Variants in HEXA observed in about 807,000 individuals in gnomAD.
The protein encoded by HEXA is beta-hexosaminidase subunit alpha.
A neutral mutation model predicts 73.3 loss-of-function variants in HEXA; 54 were observed. The observed-to-expected ratio is 0.74, with a 90% confidence interval of 0.59 to 0.92. HEXA has a LOEUF of 0.92. Among genes scored for constraint, HEXA ranks in the 40% least tolerant of loss-of-function variants. The probability of loss-of-function intolerance (pLI) is 0.00; values close to 1 mark genes in which losing one functional copy is unlikely to be tolerated. For synonymous variants in HEXA, 230 were observed against 246.9 expected, an observed-to-expected ratio of 0.93 and a Z score of 0.64; for missense variants, 649 against 653.0, an observed-to-expected ratio of 0.99 and a Z score of 0.07.
At chr15:72,358,671 G>A (rs190358940) in intron 1 of HEXA, 1 of 152,226 alleles carries the variant, frequency 6.6e-6, no homozygotes, top group East Asian at 1.9e-4. Context: ...AAGAATCCCT[G>A]TCCGAAGTTC....
chr15:72,375,005 G>A (rs977627218), intron 1 of HEXA, among the ~76,000 whole-genome samples: 16 of 151,696 alleles, frequency 1.1e-4, no homozygotes, highest in Non-Finnish European at 2.4e-4. Flanking sequence ...CCCATTCCAA[G>A]TGGCCGCTGG....
rs1361722304 is a variant in HEXA at position 72,353,747 on chromosome 15, T to A, written c.413-10A>T. 6.2e-7 allele frequency: 1 copy of A among 1,604,084 alleles called. No homozygotes were observed. The highest frequency in any genetic ancestry group is 1.1e-5 in the South Asian group (1 of 90,860). ...CTAAAAGTCTCCAGACCTAGGAAGA[T>A]GTAGAGAGGCAGAGTAAAGACTCAG... On this transcript the variant is annotated splice_polypyrimidine_tract_variant and intron_variant, in intron 3 of 13. Transcript: ENST00000268097.
chr15:72,358,698 G>A (rs2088815839), intron 1 of HEXA: 1 of 152,140 alleles, frequency 6.6e-6, no homozygotes, highest in Non-Finnish European at 1.5e-5. Context: ...TGACTCATCT[G>A]GGTTTGGGCT....
rs185797496 is a variant in HEXA at position 72,353,090 on chromosome 15, A to T, written c.548T>A (p.Leu183His). 184 of 1,611,742 alleles carry T rather than the reference A, an allele frequency of 1.1e-4. No individual in the cohort carries two copies. In the East Asian group the frequency reaches 3.4e-3, roughly 30 times the overall value. The change falls in exon 5 of 14, where the codon CTC (leucine) becomes CAC (histidine). Residue 183 changes from leucine (L) to histidine (H), a missense_variant. By Grantham distance (99) the Leu-to-His change is moderately conservative. Transcript: ENST00000268097. Reference sequence around the variant, plus strand: ...TACCAGAGTGTCCAGGATGCTAGAGAGTGGCAGGTAATGGCGAGATGTATC... The same window carrying T: ...TACCAGAGTGTCCAGGATGCTAGAGTGTGGCAGGTAATGGCGAGATGTATC... ...LLDTSRHYLP[L>H]SSILDTLDVM...
chr15:72,361,768 A>T (rs2088855356), intron 1 of HEXA, among the ~76,000 whole-genome samples: 1 of 152,252 alleles, frequency 6.6e-6, no homozygotes, highest in Admixed American at 6.5e-5. Flanking sequence ...AACAGTAAAA[A>T]TACTTTTTAA....
chr15:72,345,289 T>C (rs1002507303), intron 13 of HEXA, 157 bp downstream of exon 13: 1 of 1,403,826 alleles, frequency 7.1e-7, no homozygotes, highest in Non-Finnish European at 9.6e-7. Context: ...TTTTCCTGAA[T>C]ACTTTTTATC....
intron 5 of HEXA, among the ~76,000 whole-genome samples, chr15:72,352,448 A>C (rs1376343147): frequency 4.7e-5 from 5 of 106,570 alleles, no homozygotes; most frequent in Non-Finnish European, 9.1e-5. Flanking sequence ...CAAAAAATAC[A>C]AAAAAAAAAA....
At chr15:72,367,760 T>C (rs144996063) in intron 1 of HEXA, among the ~76,000 whole-genome samples, 53 of 152,370 alleles carry the variant, frequency 3.5e-4, no homozygotes, top group African/African-American at 1.2e-3. Context: ...TCCTTGAATA[T>C]GGCATGAAGG....
rs770628999 is a variant in HEXA, at chr15:72,375,712, CGACTCACCTGTGAGGTAAGGACGG to C, written c.237_253+7del. ...GCCCAGGAACAGGGCGGGACAAGTC[CGACTCACCTGTGAGGTAAGGACGG>C]GGCCAAGACCCGGAACCGAAAAGCA... On this transcript the variant is annotated splice_donor_variant and splice_donor_5th_base_variant and coding_sequence_variant and intron_variant, in exon 1 of 14. Transcript: ENST00000268097. LOFTEE classifies it high-confidence loss of function. 4 of 1,614,016 alleles carry C rather than the reference CGACTCACCTGTGAGGTAAGGACGG, an allele frequency of 2.5e-6. No homozygotes were observed. The highest frequency in any genetic ancestry group is 3.4e-6 in the Non-Finnish European group (4 of 1,179,996).
rs549158876 is a variant in HEXA at position 72,349,717 on chromosome 15, C to A, written c.806-458G>T. 4.6e-5 allele frequency among the ~76,000 whole-genome samples: 7 copies of A among 152,320 alleles called. No homozygotes were observed. In the South Asian group the frequency reaches 1.4e-3, roughly 32 times the overall value. On this transcript the variant is annotated intron_variant, in intron 7 of 13. Coordinates refer to ENST00000268097, the MANE Select transcript of HEXA (RefSeq NM_000520.6). The stretch of plus-strand genomic sequence containing the variant: ...ATCTCCCTTGGCCCAGAGACTACTT[C>A]CTGACGCTGAGGTCACAAGATATCT...
chr15:72,356,623 A>T lies in HEXA; in HGVS notation c.254-6T>A, dbSNP rs755803063. On this transcript the variant is annotated splice_polypyrimidine_tract_variant and splice_region_variant and intron_variant, in intron 1 of 13. Coordinates refer to ENST00000268097, the MANE Select transcript of HEXA (RefSeq NM_000520.6). ...CTCCAGTGTATGCCGTTTCCCTAGG[A>T]AGACAGGGTAAGCTTGGTGCGGCCA... is the stretch of plus-strand genomic sequence containing the variant. The T allele has an allele frequency of 3.7e-6, 6 of 1,613,998 alleles. No homozygotes were observed. Among genetic ancestry groups the T allele is most frequent in the Non-Finnish European group, 5.1e-6 (6 of 1,179,990 alleles).
At chr15:72,370,772 A>C (rs1250923736) in intron 1 of HEXA, 1 of 395,454 alleles carries the variant, frequency 2.5e-6, no homozygotes, top group Non-Finnish European at 4.5e-6. Context: ...CTGCAGGCCA[A>C]GCTAATCTAG....
chr15:72,364,205 A>C (rs1343932682), intron 1 of HEXA, among the ~76,000 whole-genome samples: 1 of 152,120 alleles, frequency 6.6e-6, no homozygotes, highest in Non-Finnish European at 1.5e-5. Context: ...GGGAGGTGGC[A>C]GCTGCAGTGA....
intron 1 of HEXA, among the ~76,000 whole-genome samples, chr15:72,374,357 A>C (rs926167746): frequency 6.6e-6 from 1 of 152,202 alleles, no homozygotes; most frequent in Admixed American, 6.5e-5. Context: ...ACTCAACAGC[A>C]GGCCTCTTAT....
intron 6 of HEXA, 162 bp from the exon 7 acceptor site, chr15:72,350,812 G>C: frequency 2.8e-6 from 2 of 719,492 alleles, no homozygotes; most frequent in Non-Finnish European, 4.8e-6. Flanking sequence ...TTTCCCAGAA[G>C]TTATCACATC....
chr15:72,356,695 C>A, intron 1 of HEXA, 78 bp from the exon 2 acceptor site: 1 of 1,597,468 alleles, frequency 6.3e-7, no homozygotes, highest in South Asian at 1.1e-5. Context: ...TAGCTCTAGT[C>A]CCTCAGCTCA....
At position 72,345,472 on chromosome 15, in the gene HEXA, CA is replaced by C. The variant is rs1567295184; in HGVS notation, c.1499del (p.Leu500CysfsTer9). On this transcript the variant is annotated frameshift_variant, in exon 13 of 14. Coordinates refer to ENST00000268097, the MANE Select transcript of HEXA (RefSeq NM_000520.6). LOFTEE classifies it high-confidence loss of function. ...TCAGCAATTCACAGCGGAAGTGTGA[CA>C]AACGTTCATAGGCAAATGTCAGGTC... ...TSDLTFAYER[L>X]SHFRCELLRR... 25 of 1,614,112 alleles carry C rather than the reference CA, an allele frequency of 1.5e-5. No homozygotes were observed. The highest frequency in any genetic ancestry group is 2.1e-5 in the Non-Finnish European group (25 of 1,180,042).
intron 4 of HEXA, 58 bp from the exon 5 acceptor site, chr15:72,353,236 A>G: frequency 1.0e-6 from 1 of 970,852 alleles, no homozygotes; most frequent in Non-Finnish European, 1.6e-6. Context: ...ATGGGGGCAC[A>G]GGGAGATGAA....
At chr15:72,353,669 CT>C (rs2088732480) in intron 4 of HEXA, 21 bp downstream of exon 4, 1 of 1,598,768 alleles carries the variant, frequency 6.3e-7, no homozygotes, top group East Asian at 2.2e-5. Flanking sequence ...AAAAGGAGCC[CT>C]TTTTGAGGGT....
Sources: allele counts gnomAD v4.1 joint callset (sites outside exome capture counted in the v4.1 genomes callset), GRCh38; gene constraint gnomAD v4.1.1; transcripts MANE v1.5; gene names NCBI Gene and HGNC (gene_info 2026-07-23, HGNC 2026-07-21).